Variants in TRNT1 observed in about 807,000 individuals in gnomAD.
TRNT1 encodes the protein CCA tRNA nucleotidyltransferase 1, mitochondrial.
In TRNT1, 44 loss-of-function variants were observed where a neutral mutation model predicts 45.6. The ratio of observed to expected loss-of-function variants is 0.97; its 90% CI spans 0.76 to 1.24. TRNT1 has a LOEUF of 1.24. Ranked by LOEUF, TRNT1 falls within the 50% of genes most tolerant of loss-of-function variation. The pLI, the probability that TRNT1 is intolerant of heterozygous loss-of-function variation, is 0.00. For missense variants in TRNT1, 633 were observed against 504.4 expected (o/e 1.25, Z -2.44); for synonymous variants, 201 against 171.4 (o/e 1.17, Z -1.35).
In TRNT1 at chr3:3,146,584, A is replaced by G. The variant is rs776889080; in HGVS notation, c.763A>G (p.Ile255Val). The G allele has an allele frequency of 3.7e-6, 6 of 1,613,702 alleles. No homozygotes were observed. Among genetic ancestry groups the G allele is most frequent in the Admixed American group, 3.3e-5 (2 of 59,980 alleles). ...TGTTGGTAACCATGTAAATCATTTGATTCACCTTATCTATGATCTTGATGT... is the reference window on the plus strand; with the variant it reads ...TGTTGGTAACCATGTAAATCATTTGGTTCACCTTATCTATGATCTTGATGT... ...ILVGNHVNHLIHLIYDLDVAP... is the reference protein window; with the variant it reads ...ILVGNHVNHLVHLIYDLDVAP... The change falls in exon 6 of 8, where the codon ATT becomes GTT. Residue 255 changes from isoleucine (I) to valine (V), a missense_variant. Ile to Val is a conservative substitution (Grantham distance 29, BLOSUM62 3). Transcript: ENST00000251607.
chr3:3,133,681 G>C (rs1014255554), intron 2 of TRNT1, among the ~76,000 whole-genome samples: 1 of 152,140 alleles, frequency 6.6e-6, no homozygotes, highest in Non-Finnish European at 1.5e-5. Context: ...TCCTTTGGCT[G>C]TTGTCCACAG....
Position 3,147,528 on chromosome 3 carries a change from C to G in TRNT1, c.881C>G (p.Thr294Ser). ...NVDGFSPKPVTLLASLFKVQD... is the reference protein window; with the variant it reads ...NVDGFSPKPVSLLASLFKVQD... ...GATGGTTTTTCACCAAAGCCAGTGA[C>G]TCTTTTGGCCTCATTATTCAAAGTA... Residue 294 changes from threonine to serine, a missense_variant, in exon 7 of 8, where the codon ACT (threonine) becomes AGT (serine). Thr to Ser is a moderately conservative substitution (Grantham distance 58). Coordinates refer to ENST00000251607, the MANE Select transcript of TRNT1 (RefSeq NM_182916.3). 1 of 1,613,900 alleles carries G rather than the reference C, an allele frequency of 6.2e-7. No individual in the cohort carries two copies. Among genetic ancestry groups the G allele is most frequent in the Non-Finnish European group, 8.5e-7 (1 of 1,179,852 alleles).
downstream of TRNT1, chr3:3,151,170 T>G: frequency 1.9e-6 from 2 of 1,034,296 alleles, no homozygotes; most frequent in Non-Finnish European, 2.9e-6. Context: ...AAGTTGAGAT[T>G]TGATCCATAC....
At chr3:3,143,512 T>C (rs1705789777) in intron 4 of TRNT1, among the ~76,000 whole-genome samples, 2 of 152,216 alleles carry the variant, frequency 1.3e-5, no homozygotes, top group Admixed American at 6.5e-5. Flanking sequence ...ACTGCCCATT[T>C]AACCACACCC....
In TRNT1 at chr3:3,146,569, C is replaced by G. The variant is rs1453297459; in HGVS notation, c.748C>G (p.His250Asp). ...ACTGAAAAAAATTCTTGTTGGTAAC[C>G]ATGTAAATCATTTGATTCACCTTAT... ...VELKKILVGN[H>D]VNHLIHLIYD... Residue 250 changes from histidine (H) to aspartate (D), a missense_variant, in exon 6 of 8, where the codon CAT becomes GAT. Transcript: ENST00000251607. 1.2e-6 allele frequency: 2 copies of G among 1,613,588 alleles called. No individual in the cohort carries two copies. Among genetic ancestry groups the G allele is most frequent in the African/African-American group, 2.7e-5 (2 of 74,896 alleles).
intron 2 of TRNT1, chr3:3,129,982 T>C (rs1279637543): frequency 6.5e-7 from 1 of 1,550,122 alleles, no homozygotes; most frequent in East Asian, 2.4e-5. Context: ...ATTGTGCACG[T>C]TGCAAAACCT....
At position 3,147,723 on chromosome 3, in the gene TRNT1, G is replaced by T; in HGVS notation, c.1056+20G>T. The T allele has an allele frequency of 1.3e-6, 2 of 1,577,968 alleles. No individual in the cohort carries two copies. The highest frequency in any genetic ancestry group is 2.4e-5 in the South Asian group (2 of 84,692). On this transcript the variant is annotated intron_variant, in intron 7 of 7. Coordinates refer to ENST00000251607, the MANE Select transcript of TRNT1 (RefSeq NM_182916.3). ...ATAGATGTAAGTATATACTAGGCTT[G>T]GTCAGAAATATGAAGTATCGTCACG...
rs1407685621 is a variant in TRNT1 at position 3,148,670 on chromosome 3, C to G, written c.*516C>G. 6.6e-6 allele frequency: 1 copy of G among 152,616 alleles called. No homozygotes were observed. The allele number at this position is 152,616 out of a possible 1,614,324, so 9.5% of individuals were successfully genotyped here. ...TACTAAATGTGTCCCCAGTTGCTGG[C>G]ATTCATATGTACAGGATTTGTTCTA... On this transcript the variant is annotated 3_prime_UTR_variant, in exon 8 of 8. Transcript: ENST00000251607.
chr3:3,152,509 A>G (rs1285910655), downstream of TRNT1: 1 of 1,614,126 alleles, frequency 6.2e-7, no homozygotes, highest in South Asian at 1.1e-5. Context: ...TCAAGTTGCA[A>G]GCCTTATACA....
Position 3,141,717 on chromosome 3 carries a change from C to G in TRNT1, c.481+1069C>G, listed in dbSNP as rs74588129. Among the ~76,000 whole-genome samples the G allele has an allele frequency of 1.2e-3, 186 of 152,264 alleles. 1 individual carries two copies. Among genetic ancestry groups the G allele is most frequent in the Middle Eastern group, 6.8e-3 (2 of 294 alleles). The stretch of plus-strand genomic sequence containing the variant: ...TTTGGATTAAAAAAGGATGAAACAT[C>G]CACTGTTCATAACCTAGTTTGTAGC... On this transcript the variant is annotated intron_variant, in intron 4 of 7. Transcript: ENST00000251607.
rs114091958 is a variant in TRNT1, at chr3:3,140,741, A to G, written c.481+93A>G. On this transcript the variant is annotated intron_variant, in intron 4 of 7. Transcript: ENST00000251607. The stretch of plus-strand genomic sequence containing the variant: ...TTCTGGAAATGTTCTTCAACTTGAG[A>G]AGTTGCATTAATTTCTTCTAAGAGA... 519 of 1,453,706 alleles carry G rather than the reference A, an allele frequency of 3.6e-4. 4 individuals are homozygous for G. In the African/African-American group the frequency reaches 6.5e-3, roughly 18 times the overall value. 90.1% of individuals were successfully genotyped at this position (1,453,706 alleles called of 1,614,324 possible).
chr3:3,140,105 T>G (rs1301415793), intron 3 of TRNT1, among the ~76,000 whole-genome samples: 1 of 152,206 alleles, frequency 6.6e-6, no homozygotes, highest in Non-Finnish European at 1.5e-5. Context: ...TTATCAGTCT[T>G]TCGCTCAATG....
intron 7 of TRNT1, 46 bp from the exon 8 acceptor site, chr3:3,147,860 A>G (rs1474048391): frequency 1.9e-6 from 3 of 1,573,512 alleles, no homozygotes; most frequent in African/African-American, 1.4e-5. Context: ...TTGTAAGTGT[A>G]TGTTTTCATG....
Position 3,148,174 on chromosome 3 carries a change from G to A in TRNT1, c.*20G>A, listed in dbSNP as rs984034956. ...ACCTAAAACTGATGGCTACTAAAAA[G>A]CAGAGCATTTCTGGTAAGACTAAAT... On this transcript the variant is annotated 3_prime_UTR_variant, in exon 8 of 8. Coordinates refer to ENST00000251607, the MANE Select transcript of TRNT1 (RefSeq NM_182916.3). The A allele has an allele frequency of 5.6e-6, 9 of 1,608,320 alleles. No homozygotes were observed. The African/African-American group carries it at 1.1e-4, about 19-fold the overall frequency.
At chr3:3,139,759 A>G (rs576825315) in intron 3 of TRNT1, among the ~76,000 whole-genome samples, 8 of 152,110 alleles carry the variant, frequency 5.3e-5, no homozygotes, top group Non-Finnish European at 1.0e-4. Flanking sequence ...ACAGGGTCTC[A>G]CTCTGTTGCC....
chr3:3,140,366 G>A, intron 3 of TRNT1, 144 bp from the exon 4 acceptor site: 1 of 635,434 alleles, frequency 1.6e-6, no homozygotes, highest in Non-Finnish European at 2.6e-6. Flanking sequence ...CAATGTTTAG[G>A]TATGGTAGTT....
Position 3,144,607 on chromosome 3 carries a change from T to G in TRNT1, c.505T>G (p.Tyr169Asp), listed in dbSNP as rs1705867660. 4.4e-6 allele frequency: 7 copies of G among 1,584,718 alleles called. No individual in the cohort carries two copies. In the East Asian group the frequency reaches 1.6e-4, roughly 36 times the overall value. Residue 169 changes from tyrosine to aspartate, a missense_variant, in exon 5 of 8, where the codon TAC (tyrosine) becomes GAC (aspartate). By Grantham distance (160) the Tyr-to-Asp change is radical. Coordinates refer to ENST00000251607, the MANE Select transcript of TRNT1 (RefSeq NM_182916.3). ...AGGTTTTGATGGCACTTTATTTGACTACTTTAATGGTTATGAAGATTTAAA... is the reference window on the plus strand; with the variant it reads ...AGGTTTTGATGGCACTTTATTTGACGACTTTAATGGTTATGAAGATTTAAA... The part of the protein sequence containing the change: ...FLGFDGTLFD[Y>D]FNGYEDLKNK...
At position 3,129,115 on chromosome 3, in the gene TRNT1, G is replaced by GT. The variant is rs1026422143; in HGVS notation, c.76dup (p.Tyr26LeufsTer92). 1 of 1,613,802 alleles carries GT rather than the reference G, an allele frequency of 6.2e-7. No individual in the cohort carries two copies. Among genetic ancestry groups the GT allele is most frequent in the African/African-American group, 1.3e-5 (1 of 74,898 alleles). ...GGAGTAGGCTGTGCCTTCCGAAGCA[G>GT]TATCTATTCACAATGAAGTTGCAGT... On this transcript the variant is annotated frameshift_variant, in exon 2 of 8. Coordinates refer to ENST00000251607, the MANE Select transcript of TRNT1 (RefSeq NM_182916.3). LOFTEE classifies it high-confidence loss of function.
downstream of TRNT1, chr3:3,150,159 GA>G (rs1027904023): frequency 6.6e-6 from 1 of 152,148 alleles, no homozygotes; most frequent in East Asian, 1.9e-4. Context: ...ATTAATTTTT[GA>G]AAAATAGCTT....
Sources: gnomAD v4.1 joint callset for allele counts (sites outside exome capture counted in the v4.1 genomes callset) on GRCh38, gnomAD v4.1.1 for gene constraint, MANE v1.5 for transcripts, NCBI Gene and HGNC (gene_info 2026-07-23, HGNC 2026-07-21) for gene names.